ZSWIM7: variants seen among roughly 807,000 people sequenced by gnomAD.
The protein encoded by ZSWIM7 is zinc finger SWIM-type containing 7.
Under a neutral mutation model 21.1 loss-of-function variants are expected in ZSWIM7, and 22 were observed. The ratio of observed to expected loss-of-function variants is 1.04; its 90% CI spans 0.74 to 1.49. The LOEUF (loss-of-function observed/expected upper bound fraction) is 1.49, where lower values mean the gene tolerates loss of function less well. ZSWIM7 is among the 40% of genes most tolerant of loss of function. The probability of loss-of-function intolerance (pLI) is 0.00; values close to 1 mark genes in which losing one functional copy is unlikely to be tolerated. For missense variants in ZSWIM7, 193 were observed against 168.0 expected, an observed-to-expected ratio of 1.15 and a Z score of -0.82; for synonymous variants, 67 against 66.5, an observed-to-expected ratio of 1.01 and a Z score of -0.04.
At chr17:15,987,203 A>G in intron 3 of ZSWIM7, 63 bp downstream of exon 3, 1 of 1,336,186 alleles carries the variant, frequency 7.5e-7, no homozygotes, top group Non-Finnish European at 1.0e-6. Context: ...GCTTCTACAG[A>G]GATGAAGAAC....
At chr17:15,996,472 C>T (rs930239648) in intron 1 of ZSWIM7, among the ~76,000 whole-genome samples, 1 of 152,058 alleles carries the variant, frequency 6.6e-6, no homozygotes, top group Admixed American at 6.6e-5. Context: ...AAAGGAAGAC[C>T]CGTCTCTACA....
chr17:15,983,684 T>A (rs1301187549), intron 3 of ZSWIM7, among the ~76,000 whole-genome samples: 3 of 152,122 alleles, frequency 2.0e-5, no homozygotes, highest in African/African-American at 4.8e-5. Flanking sequence ...CCTCCTGGGT[T>A]CAAGCCATTC....
chr17:15,981,013 A>C (rs1179187876), intron 4 of ZSWIM7, 27 bp downstream of exon 4: 3 of 1,550,542 alleles, frequency 1.9e-6, no homozygotes, highest in Non-Finnish European at 2.7e-6. Context: ...ATTCAACTAC[A>C]GTGGGAAGAG....
At position 15,999,678 on chromosome 17, in the gene ZSWIM7, C is replaced by A. The variant is rs757387039; in HGVS notation, c.-84G>T. 1 of 1,559,512 alleles carries A rather than the reference C, an allele frequency of 6.4e-7. No homozygotes were observed. Among genetic ancestry groups the A allele is most frequent in the Non-Finnish European group, 8.7e-7 (1 of 1,152,714 alleles). On this transcript the variant is annotated 5_prime_UTR_variant, in exon 1 of 5. Transcript: ENST00000399277. The stretch of plus-strand genomic sequence containing the variant: ...CGCCTACCTGTGGAGGATCCTGACC[C>A]CCCGCCGGGGCAGGGCGAGACGGAG...
At chr17:15,984,774 T>C (rs1216105889) in intron 3 of ZSWIM7, among the ~76,000 whole-genome samples, 2 of 152,214 alleles carry the variant, frequency 1.3e-5, no homozygotes, top group Non-Finnish European at 2.9e-5. Flanking sequence ...TTGTGTACCA[T>C]GTTTTCCTTT....
intron 4 of ZSWIM7, among the ~76,000 whole-genome samples, chr17:15,979,816 C>T (rs1421672495): frequency 4.8e-5 from 6 of 124,422 alleles, no homozygotes; most frequent in Admixed American, 1.5e-4. Context: ...ACCTCCCTCC[C>T]GGACGGGGGG....
intron 1 of ZSWIM7, among the ~76,000 whole-genome samples, chr17:15,995,597 AGAC>A (rs367657453): frequency 2.8e-5 from 4 of 141,436 alleles, no homozygotes; most frequent in African/African-American, 1.2e-4. Context: ...AAAAAAAAAA[AGAC>A]AGCAGAAATT....
rs994139378 is a variant in ZSWIM7, at chr17:15,976,720, G to T, written c.*1327C>A. 3 of 152,166 alleles carry T rather than the reference G, an allele frequency of 2.0e-5. No homozygotes were observed. The highest frequency in any genetic ancestry group is 4.4e-5 in the Non-Finnish European group (3 of 68,032). The allele number at this position is 152,166 out of a possible 1,614,324, so 9.4% of individuals were successfully genotyped here. A position where few individuals can be genotyped will look rare whatever the true frequency, so the allele number is the denominator to read the frequency against. On this transcript the variant is annotated 3_prime_UTR_variant, in exon 5 of 5. Transcript: ENST00000399277. ...CATGTTTTGGGGGCACAAGCACAGG[G>T]CTTTCTTAGGCTGTAAAATCACCTA...
intron 1 of ZSWIM7, among the ~76,000 whole-genome samples, chr17:15,994,353 A>G (rs1970523427): frequency 6.6e-6 from 1 of 152,328 alleles, no homozygotes; most frequent in Middle Eastern, 3.4e-3. Context: ...AAAATGATTT[A>G]TAAGACCTAA....
At chr17:15,978,646 T>C (rs1317425958) in intron 4 of ZSWIM7, among the ~76,000 whole-genome samples, 1 of 152,164 alleles carries the variant, frequency 6.6e-6, no homozygotes, top group Admixed American at 6.5e-5. Context: ...ACAGGAGTAT[T>C]CTCTTTAGAA....
Position 15,999,630 on chromosome 17 carries a change from C to A in ZSWIM7, c.-36G>T. The stretch of plus-strand genomic sequence containing the variant: ...GACACGCCCTCCACGACCGGCGGAC[C>A]GCCGCGACGCTCCAGCTGACTGCGC... On this transcript the variant is annotated 5_prime_UTR_variant, in exon 1 of 5. Coordinates refer to ENST00000399277, the MANE Select transcript of ZSWIM7 (RefSeq NM_001042697.2). The A allele has an allele frequency of 1.3e-6, 2 of 1,566,444 alleles. No individual in the cohort carries two copies. Among genetic ancestry groups the A allele is most frequent in the Non-Finnish European group, 1.7e-6 (2 of 1,156,992 alleles).
chr17:15,995,718 A>T (rs571543435), intron 1 of ZSWIM7, among the ~76,000 whole-genome samples: 8 of 152,290 alleles, frequency 5.3e-5, no homozygotes, highest in African/African-American at 1.7e-4. Context: ...AACAGAGGAC[A>T]TCCAGTAACT....
chr17:15,979,848 C>T (rs1471080448), intron 4 of ZSWIM7, among the ~76,000 whole-genome samples: 3 of 111,888 alleles, frequency 2.7e-5, no homozygotes, highest in Non-Finnish European at 1.9e-5. Context: ...ACCTCCCTCC[C>T]GGACGGGGCG....
rs59325894 is a variant in ZSWIM7 at position 15,977,535 on chromosome 17, T to TA, written c.*511dup. The TA allele has an allele frequency of 9.3e-5, 14 of 150,692 alleles. No individual in the cohort carries two copies. The highest frequency in any genetic ancestry group is 2.1e-4 in the South Asian group (1 of 4,802). The allele number at this position is 150,692 out of a possible 1,614,324, so 9.3% of individuals were successfully genotyped here. ...TAACACGGTGAAACCCCATCTCTAC[T>TA]AAAAAAAAAATACAAAAATTTAGCC... is the stretch of plus-strand genomic sequence containing the variant. On this transcript the variant is annotated 3_prime_UTR_variant, in exon 5 of 5. Coordinates refer to ENST00000399277, the MANE Select transcript of ZSWIM7 (RefSeq NM_001042697.2).
chr17:15,983,409 C>A (rs925624177), intron 3 of ZSWIM7, among the ~76,000 whole-genome samples: 2 of 147,728 alleles, frequency 1.4e-5, no homozygotes, highest in African/African-American at 5.0e-5. Context: ...AAAAAGCACA[C>A]CTTGCATATT....
intron 1 of ZSWIM7, among the ~76,000 whole-genome samples, chr17:15,998,400 A>G (rs938719702): frequency 3.9e-5 from 6 of 152,222 alleles, no homozygotes; most frequent in African/African-American, 1.4e-4. Context: ...TTCCTTAAAA[A>G]CAGTAACTCA....
chr17:15,987,480 A>T, intron 2 of ZSWIM7, 112 bp from the exon 3 acceptor site: 1 of 887,072 alleles, frequency 1.1e-6, no homozygotes, highest in Non-Finnish European at 1.7e-6. Flanking sequence ...TTTAATTTTG[A>T]AAAAAGGAAA....
intron 4 of ZSWIM7, among the ~76,000 whole-genome samples, chr17:15,979,941 C>T (rs1178916342): frequency 1.8e-5 from 2 of 110,006 alleles, no homozygotes; most frequent in South Asian, 3.3e-4. Flanking sequence ...GACGGGGCGG[C>T]TGGCCGGGCA....
At chr17:15,997,061 G>A (rs1403846572) in intron 1 of ZSWIM7, among the ~76,000 whole-genome samples, 1 of 151,776 alleles carries the variant, frequency 6.6e-6, no homozygotes, top group Admixed American at 6.6e-5. Flanking sequence ...TCACTTGGGA[G>A]GCTGAGGTGG....
Sources: gnomAD v4.1 joint callset for allele counts (sites outside exome capture counted in the v4.1 genomes callset) on GRCh38, gnomAD v4.1.1 for gene constraint, MANE v1.5 for transcripts, NCBI Gene and HGNC (gene_info 2026-07-23, HGNC 2026-07-21) for gene names.